The following AGMO variants were observed in gnomAD, a reference collection of about 807,000 sequenced individuals.
AGMO encodes alkylglycerol monooxygenase.
In AGMO, 75 loss-of-function variants were observed where a neutral mutation model predicts 60.2. The observed-to-expected ratio is 1.25, with a 90% CI of 1.03 to 1.51. The LOEUF (loss-of-function observed/expected upper bound fraction) is 1.51, where lower values mean the gene tolerates loss of function less well. AGMO is among the 40% of genes most tolerant of loss of function. AGMO has a pLI of 0.00. For synonymous variants in AGMO, 261 were observed against 177.1 expected (o/e 1.47, Z -3.76); for missense variants, 763 against 525.5 (o/e 1.45, Z -4.42).
chr7:15,531,073 A>G (rs1307105042), intron 3 of AGMO, among the ~76,000 whole-genome samples: 2,211 of 69,866 alleles, frequency 0.032, 271 homozygotes, highest in East Asian at 0.079. Context: ...TATATATTCT[A>G]TATATATTCT....
chr7:15,505,795 G>C lies in AGMO; in HGVS notation c.409+38977C>G, dbSNP rs375790056. ...TTCCTTGTTTAAATTATTAATAACA[G>C]AGTCTAAGAAATCCAAATAGACTCT... On this transcript the variant is annotated intron_variant, in intron 3 of 12. Coordinates refer to ENST00000342526, the MANE Select transcript of AGMO (RefSeq NM_001004320.2). Among the ~76,000 whole-genome samples, 14 of 152,032 alleles carry C rather than the reference G, an allele frequency of 9.2e-5. 1 individual carries two copies. Among genetic ancestry groups the C allele is most frequent in the African/African-American group, 3.4e-4 (14 of 41,488 alleles).
chr7:15,256,715 G>GT (rs1783110465), intron 12 of AGMO, among the ~76,000 whole-genome samples: 1 of 152,112 alleles, frequency 6.6e-6, no homozygotes, highest in Non-Finnish European at 1.5e-5. Context: ...TGCCTACAGT[G>GT]TTCTCTACCT....
intron 3 of AGMO, among the ~76,000 whole-genome samples, chr7:15,447,437 G>T (rs981664228): frequency 6.6e-6 from 1 of 152,210 alleles, no homozygotes; most frequent in Non-Finnish European, 1.5e-5. Flanking sequence ...TAAAACAGGT[G>T]TTTAAGAACC....
rs192266504 is a variant in AGMO, at chr7:15,557,902, G to A, written c.257+2239C>T. ...CAAAGGGCACCAGAGTTAACAGTTTGTGTTAGTTTAAGGACTGTTATGAGT... is the reference window on the plus strand; with the variant it reads ...CAAAGGGCACCAGAGTTAACAGTTTATGTTAGTTTAAGGACTGTTATGAGT... On this transcript the variant is annotated intron_variant, in intron 2 of 12. Coordinates refer to ENST00000342526, the MANE Select transcript of AGMO (RefSeq NM_001004320.2). Among the ~76,000 whole-genome samples the A allele has an allele frequency of 2.2e-3, 335 of 152,030 alleles. 1 individual carries two copies. The highest frequency in any genetic ancestry group is 7.6e-3 in the African/African-American group (316 of 41,488).
At chr7:15,118,281 T>A in the AGMO span, among the ~76,000 whole-genome samples, 10 of 151,936 alleles carry the variant, frequency 6.6e-5, no homozygotes, top group African/African-American at 2.4e-4. Context: ...TTCTATAGTC[T>A]GAACTCATTA....
At chr7:15,335,428 G>C (rs775997004) in intron 12 of AGMO, among the ~76,000 whole-genome samples, 1 of 152,120 alleles carries the variant, frequency 6.6e-6, no homozygotes, top group Non-Finnish European at 1.5e-5. Flanking sequence ...TGTCATAGTG[G>C]TATGCAAAGC....
chr7:15,518,157 G>A (rs1421727563), intron 3 of AGMO, among the ~76,000 whole-genome samples: 4 of 152,116 alleles, frequency 2.6e-5, no homozygotes, highest in South Asian at 2.1e-4. Flanking sequence ...GAAAGGAAGC[G>A]GCCCTAGTAA....
intron 2 of AGMO, among the ~76,000 whole-genome samples, chr7:15,550,137 T>C (rs1784905915): frequency 6.6e-6 from 1 of 151,516 alleles, no homozygotes; most frequent in Admixed American, 6.6e-5. Flanking sequence ...AGACACAACA[T>C]ACCAGAATCT....
chr7:15,454,107 A>G (rs911324977), intron 3 of AGMO, among the ~76,000 whole-genome samples: 1 of 151,242 alleles, frequency 6.6e-6, no homozygotes, highest in Non-Finnish European at 1.5e-5. Flanking sequence ...ATCCTCAGCC[A>G]CATACTAGGT....
At position 15,560,291 on chromosome 7, in the gene AGMO, A is replaced by G. The variant is rs778376704; in HGVS notation, c.127-20T>C. ...AGTTGCCTGGAAAGGAAGTTGCAGA[A>G]AAGAGATGCTATTATGTTCCATATG... On this transcript the variant is annotated intron_variant, in intron 1 of 12. Coordinates refer to ENST00000342526, the MANE Select transcript of AGMO (RefSeq NM_001004320.2). The G allele has an allele frequency of 9.9e-6, 16 of 1,610,054 alleles. No individual in the cohort carries two copies. The highest frequency in any genetic ancestry group is 1.3e-5 in the Non-Finnish European group (15 of 1,177,450).
At chr7:15,292,745 T>A (rs1216876841) in intron 12 of AGMO, among the ~76,000 whole-genome samples, 1 of 139,708 alleles carries the variant, frequency 7.2e-6, no homozygotes, top group East Asian at 2.0e-4. Flanking sequence ...TCCTCCTTTT[T>A]TTTTCCTTTT....
intron 3 of AGMO, among the ~76,000 whole-genome samples, chr7:15,542,996 A>T (rs1373357452): frequency 6.6e-6 from 1 of 152,144 alleles, no homozygotes; most frequent in East Asian, 1.9e-4. Flanking sequence ...ACACAAATCC[A>T]TGCTACTCCT....
At chr7:15,379,047 G>T (rs1291004744) in intron 10 of AGMO, among the ~76,000 whole-genome samples, 1 of 151,938 alleles carries the variant, frequency 6.6e-6, no homozygotes, top group East Asian at 1.9e-4. Context: ...AAGTTTCAAA[G>T]AAGTTCTTTG....
intron 12 of AGMO, among the ~76,000 whole-genome samples, chr7:15,241,959 A>G (rs922232457): frequency 2.0e-5 from 3 of 152,236 alleles, no homozygotes; most frequent in South Asian, 2.1e-4. Flanking sequence ...GGATGCCCAC[A>G]TTCCTTGTCA....
chr7:15,467,544 G>A (rs77960926), intron 3 of AGMO, among the ~76,000 whole-genome samples: 117 of 152,062 alleles, frequency 7.7e-4, no homozygotes, highest in African/African-American at 2.5e-3. Flanking sequence ...CACACAAAAG[G>A]ACTAAAACTC....
chr7:15,345,763 AC>A (rs1374127150), intron 12 of AGMO, among the ~76,000 whole-genome samples: 1 of 152,136 alleles, frequency 6.6e-6, no homozygotes, highest in Non-Finnish European at 1.5e-5. Flanking sequence ...AAGCTTGATA[AC>A]TTACTTATCT....
chr7:15,182,521 T>C, the AGMO span, among the ~76,000 whole-genome samples: 1 of 152,144 alleles, frequency 6.6e-6, no homozygotes, highest in Non-Finnish European at 1.5e-5. Context: ...GCTCAAGCGA[T>C]CCTCCCACCT....
the AGMO span, among the ~76,000 whole-genome samples, chr7:15,122,749 C>T: frequency 2.6e-5 from 4 of 152,236 alleles, no homozygotes; most frequent in East Asian, 1.9e-4. Flanking sequence ...AATGCAACCA[C>T]TTCTACCTTC....
intron 2 of AGMO, among the ~76,000 whole-genome samples, chr7:15,547,962 G>T (rs1766083319): frequency 6.8e-6 from 1 of 146,774 alleles, no homozygotes; most frequent in African/African-American, 2.4e-5. Context: ...CACGCAGCTG[G>T]AGATCTGAGA....
Sources: allele counts gnomAD v4.1 joint callset (sites outside exome capture counted in the v4.1 genomes callset), GRCh38; gene constraint gnomAD v4.1.1; transcripts MANE v1.5; gene names NCBI Gene and HGNC (gene_info 2026-07-23, HGNC 2026-07-21).